The following DLGAP1 variants were observed in gnomAD, a reference collection of about 807,000 sequenced individuals.
The protein encoded by DLGAP1 is disks large-associated protein 1.
Under a neutral mutation model 90.8 loss-of-function variants are expected in DLGAP1, and 11 were observed. The ratio of observed to expected loss-of-function variants is 0.12; its 90% CI spans 0.08 to 0.20. The LOEUF is 0.20. DLGAP1 is among the 10% of genes least tolerant of loss of function. The pLI is 1.00. For missense variants in DLGAP1, 1,050 were observed against 1,333.8 expected, an observed-to-expected ratio of 0.79 and a Z score of 3.31; for synonymous variants, 558 against 540.7, an observed-to-expected ratio of 1.03 and a Z score of -0.44.
chr18:3,853,615 C>T (rs1410357514), intron 4 of DLGAP1, among the ~76,000 whole-genome samples: 1 of 151,758 alleles, frequency 6.6e-6, no homozygotes, highest in Non-Finnish European at 1.5e-5. Context: ...AGTTACCTTA[C>T]AGTGCGTTTC....
intron 1 of DLGAP1, among the ~76,000 whole-genome samples, chr18:4,439,866 C>A (rs2144816719): frequency 6.6e-6 from 1 of 152,120 alleles, no homozygotes; most frequent in Non-Finnish European, 1.5e-5. Flanking sequence ...CGCCTGTAAT[C>A]TCAGCACTTT....
chr18:3,758,218 G>A (rs1658659847), intron 5 of DLGAP1, among the ~76,000 whole-genome samples: 1 of 152,044 alleles, frequency 6.6e-6, no homozygotes. Context: ...TAAGAAACAG[G>A]AACAAAAATT....
intron 10 of DLGAP1, among the ~76,000 whole-genome samples, chr18:3,518,798 T>C (rs2144090051): frequency 6.6e-6 from 1 of 152,316 alleles, no homozygotes; most frequent in South Asian, 2.1e-4. Flanking sequence ...CTGATCTACA[T>C]TCTTTAGTTC....
chr18:3,726,569 T>C (rs970317282), intron 7 of DLGAP1, among the ~76,000 whole-genome samples: 2 of 152,148 alleles, frequency 1.3e-5, no homozygotes, highest in Non-Finnish European at 2.9e-5. Flanking sequence ...CAAATCCATG[T>C]CACAGAGAAA....
At chr18:4,175,577 CTTGAG>C (rs1368589309) in intron 1 of DLGAP1, among the ~76,000 whole-genome samples, 1 of 152,058 alleles carries the variant, frequency 6.6e-6, no homozygotes, top group Non-Finnish European at 1.5e-5. Flanking sequence ...TTTAATCCAT[CTTGAG>C]TTAATTTTTG....
chr18:3,654,030 GT>G (rs1251131311), intron 7 of DLGAP1: 1 of 152,272 alleles, frequency 6.6e-6, no homozygotes, highest in African/African-American at 2.4e-5. Context: ...TGGAACACAC[GT>G]CCCCCCAGCC....
intron 4 of DLGAP1, among the ~76,000 whole-genome samples, chr18:3,819,396 C>T (rs2148471768): frequency 6.6e-6 from 1 of 152,174 alleles, no homozygotes; most frequent in Admixed American, 6.5e-5. Flanking sequence ...ATCCCAATAT[C>T]CAAAATGCTA....
intron 4 of DLGAP1, among the ~76,000 whole-genome samples, chr18:3,844,339 C>T (rs1175633760): frequency 2.6e-5 from 4 of 152,118 alleles, no homozygotes; most frequent in East Asian, 1.9e-4. Flanking sequence ...TGTCATTTTG[C>T]TAGAAAAGAA....
intron 3 of DLGAP1, among the ~76,000 whole-genome samples, chr18:3,926,242 A>C (rs1363133400): frequency 1.3e-5 from 2 of 152,196 alleles, no homozygotes; most frequent in East Asian, 3.9e-4. Flanking sequence ...TGTGTCTTGT[A>C]GGATATTTAG....
chr18:3,817,956 A>G (rs17649488), intron 4 of DLGAP1, among the ~76,000 whole-genome samples: 2,328 of 152,332 alleles, frequency 0.015, 26 homozygotes, highest in Middle Eastern at 0.037. Flanking sequence ...AAGCTGGAGC[A>G]GAGACAAAGA....
rs558668137 is a variant in DLGAP1, at chr18:4,021,622, G to A, written c.-158-16421C>T. ...CTTTCTTTTTTTCTTTTTTTAGACC[G>A]AGACTTGCTCTGTCGCCCAGGCTGG... On this transcript the variant is annotated intron_variant, in intron 2 of 12. Coordinates refer to ENST00000315677, the MANE Select transcript of DLGAP1 (RefSeq NM_004746.4). Among the ~76,000 whole-genome samples the A allele has an allele frequency of 8.6e-5, 13 of 151,450 alleles. 1 individual carries two copies. Among genetic ancestry groups the A allele is most frequent in the South Asian group, 8.3e-4 (4 of 4,792 alleles).
chr18:3,779,883 G>A (rs1349928779), intron 5 of DLGAP1, among the ~76,000 whole-genome samples: 1 of 150,796 alleles, frequency 6.6e-6, no homozygotes. Context: ...TCCACCTCCC[G>A]GGTTCAAGCG....
At chr18:3,803,086 A>G (rs1385785977) in intron 5 of DLGAP1, among the ~76,000 whole-genome samples, 1 of 152,094 alleles carries the variant, frequency 6.6e-6, no homozygotes. Flanking sequence ...GTCGATTTCC[A>G]TGGTGTAAAT....
intron 2 of DLGAP1, among the ~76,000 whole-genome samples, chr18:4,036,555 A>G (rs2074892129): frequency 6.6e-6 from 1 of 152,236 alleles, no homozygotes; most frequent in Non-Finnish European, 1.5e-5. Flanking sequence ...GTCACTTCAC[A>G]GATTCTTTGC....
At chr18:3,880,248 ATC>A in intron 3 of DLGAP1, 108 bp from the exon 4 acceptor site, 1 of 627,412 alleles carries the variant, frequency 1.6e-6, no homozygotes, top group Middle Eastern at 4.3e-4. Context: ...CACAGGCGCC[ATC>A]TCTGCTTCCT....
chr18:4,003,921 GTGTCAAAGAACTGATGGTCTGACT>G (rs1386552362), intron 3 of DLGAP1, among the ~76,000 whole-genome samples: 14 of 152,152 alleles, frequency 9.2e-5, no homozygotes, highest in African/African-American at 3.4e-4. Context: ...AGACAGAGAA[GTGTCAAAGAACTGATGGTCTGACT>G]TGAGTCCTGG....
At chr18:3,821,225 G>A (rs112049569) in intron 4 of DLGAP1, among the ~76,000 whole-genome samples, 6 of 148,348 alleles carry the variant, frequency 4.0e-5, no homozygotes, top group African/African-American at 1.2e-4. Context: ...AAGAGTTTGA[G>A]GCTGCAGTGA....
At chr18:3,917,366 C>T (rs2148905038) in intron 3 of DLGAP1, among the ~76,000 whole-genome samples, 1 of 152,312 alleles carries the variant, frequency 6.6e-6, no homozygotes, top group African/African-American at 2.4e-5. Context: ...CCAGCTCTCG[C>T]ACCCATGGGT....
chr18:4,299,104 A>AAAAAAAAAC (rs1555779074), intron 1 of DLGAP1, among the ~76,000 whole-genome samples: 13 of 131,752 alleles, frequency 9.9e-5, no homozygotes, highest in East Asian at 2.3e-4. Flanking sequence ...AAAAAAAAAA[A>AAAAAAAAAC]AAAAAATAGA....
Sources: gnomAD v4.1 joint callset for allele counts (sites outside exome capture counted in the v4.1 genomes callset) on GRCh38, gnomAD v4.1.1 for gene constraint, MANE v1.5 for transcripts, NCBI Gene and HGNC (gene_info 2026-07-23, HGNC 2026-07-21) for gene names.